Variants in CYFIP2 observed in about 807,000 individuals in gnomAD.
The protein encoded by CYFIP2 is cytoplasmic FMR1 interacting protein 2.
A neutral mutation model predicts 158.7 loss-of-function variants in CYFIP2; 29 were observed. That is an observed-to-expected ratio of 0.18 (90% CI 0.14 to 0.25). CYFIP2 has a LOEUF of 0.25. CYFIP2 is among the 10% of genes least tolerant of loss of function. The probability of loss-of-function intolerance (pLI) is 1.00; values close to 1 mark genes in which losing one functional copy is unlikely to be tolerated. For missense variants in CYFIP2, 852 were observed against 1,639.5 expected (o/e 0.52, Z 8.29); for synonymous variants, 585 against 617.6 (o/e 0.95, Z 0.78).
At chr5:157,339,782 G>A (rs1762112284) in intron 22 of CYFIP2, among the ~76,000 whole-genome samples, 1 of 152,176 alleles carries the variant, frequency 6.6e-6, no homozygotes. Context: ...GGATGACTAG[G>A]AATAAATAAG....
At chr5:157,349,264 C>T (rs1305000890) in intron 23 of CYFIP2, among the ~76,000 whole-genome samples, 3 of 152,102 alleles carry the variant, frequency 2.0e-5, no homozygotes, top group Non-Finnish European at 4.4e-5. Context: ...AGTCTTTTAT[C>T]CCTCTCCCTC....
chr5:157,291,557 C>T (rs1449487740), intron 3 of CYFIP2, among the ~76,000 whole-genome samples: 4 of 152,260 alleles, frequency 2.6e-5, no homozygotes, highest in East Asian at 3.8e-4. Context: ...CACCCGTCGG[C>T]AGGCAGGTTG....
chr5:157,308,781 C>T (rs565721055), intron 9 of CYFIP2, among the ~76,000 whole-genome samples: 3 of 152,122 alleles, frequency 2.0e-5, no homozygotes, highest in Admixed American at 6.5e-5. Flanking sequence ...AAATAGGGCT[C>T]ATTTTGGGAG....
chr5:157,311,813 G>T lies in CYFIP2; in HGVS notation c.1110+32G>T. 6.4e-7 allele frequency: 1 copy of T among 1,555,984 alleles called. No individual in the cohort carries two copies. Among genetic ancestry groups the T allele is most frequent in the Non-Finnish European group, 8.7e-7 (1 of 1,146,206 alleles). On this transcript the variant is annotated intron_variant, in intron 11 of 30. Coordinates refer to ENST00000620254, the MANE Select transcript of CYFIP2 (RefSeq NM_001037333.3). The surrounding 1 kb of genome is among the most constrained non-coding windows in gnomAD (Gnocchi z 4.7). ...ATGCAGGCTGCTGGGGCACAGGCCCGTGGGCCCAGGGCCAGAAGGGGTAAG... is the reference window on the plus strand; with the variant it reads ...ATGCAGGCTGCTGGGGCACAGGCCCTTGGGCCCAGGGCCAGAAGGGGTAAG...
chr5:157,389,159 T>C (rs745607183), intron 28 of CYFIP2, 30 bp from the exon 29 acceptor site: 2 of 1,561,488 alleles, frequency 1.3e-6, no homozygotes, highest in African/African-American at 2.7e-5. Flanking sequence ...AAGATGTGGA[T>C]AGAAGGTGTA....
chr5:157,296,576 A>T, intron 4 of CYFIP2, 97 bp from the exon 5 acceptor site: 1 of 1,145,496 alleles, frequency 8.7e-7, no homozygotes, highest in Non-Finnish European at 1.3e-6. Context: ...CCTGGACAAC[A>T]GAGCAAGACC....
chr5:157,388,593 G>A (rs1013802766), intron 28 of CYFIP2, among the ~76,000 whole-genome samples: 6 of 152,108 alleles, frequency 3.9e-5, no homozygotes, highest in African/African-American at 1.2e-4. Flanking sequence ...ATTGTACATT[G>A]TCAATGTTTT....
At chr5:157,368,366 C>T (rs1379114845) in intron 26 of CYFIP2, among the ~76,000 whole-genome samples, 1 of 152,182 alleles carries the variant, frequency 6.6e-6, no homozygotes, top group Non-Finnish European at 1.5e-5. Flanking sequence ...ATCTCAGCCA[C>T]CCCTCTCAGA....
rs953994823 is a variant in CYFIP2, at chr5:157,361,322, A to G, written c.2909-146A>G. 3 of 960,732 alleles carry G rather than the reference A, an allele frequency of 3.1e-6. No individual in the cohort carries two copies. Among genetic ancestry groups the G allele is most frequent in the Non-Finnish European group, 4.6e-6 (3 of 651,134 alleles). 59.5% of individuals were successfully genotyped at this position (960,732 alleles called of 1,614,324 possible). A position where few individuals can be genotyped will look rare whatever the true frequency, so the allele number is the denominator to read the frequency against. The stretch of plus-strand genomic sequence containing the variant: ...AGTACTGAGCCCTGAAAGAAATCTC[A>G]CTCTGGGCCTGCAGGTAAGAGGGAT... On this transcript the variant is annotated intron_variant, in intron 25 of 30. Coordinates refer to ENST00000620254, the MANE Select transcript of CYFIP2 (RefSeq NM_001037333.3). This position sits in a 1 kb window ranked among gnomAD's most constrained non-coding sequence, Gnocchi z 4.4.
chr5:157,280,262 T>C (rs567853603), intron 1 of CYFIP2, among the ~76,000 whole-genome samples: 2 of 152,130 alleles, frequency 1.3e-5, no homozygotes, highest in African/African-American at 2.4e-5. Flanking sequence ...AATGGCATGA[T>C]CTTGGCTCAC....
At chr5:157,315,538 A>C (rs1760071833) in intron 13 of CYFIP2, among the ~76,000 whole-genome samples, 1 of 152,194 alleles carries the variant, frequency 6.6e-6, no homozygotes, top group Non-Finnish European at 1.5e-5. Context: ...TTTAGTGGTC[A>C]GTCTACATTT....
At chr5:157,314,619 G>A (rs115440688) in intron 12 of CYFIP2, among the ~76,000 whole-genome samples, 156 bp downstream of exon 12, 2,320 of 152,250 alleles carry the variant, frequency 0.015, 73 homozygotes, top group African/African-American at 0.053. Flanking sequence ...TTGGTTTTTA[G>A]TATATCCGCA....
chr5:157,339,941 C>A (rs1023269971), intron 22 of CYFIP2, among the ~76,000 whole-genome samples: 1 of 152,154 alleles, frequency 6.6e-6, no homozygotes, highest in East Asian at 1.9e-4. Flanking sequence ...AGGGCAGGAT[C>A]GTGCATTTTT....
At chr5:157,296,193 C>A (rs757909510) in intron 4 of CYFIP2, among the ~76,000 whole-genome samples, 2 of 152,218 alleles carry the variant, frequency 1.3e-5, no homozygotes, top group Non-Finnish European at 2.9e-5. Context: ...ACTTCTGCCC[C>A]CTGCCAGATT....
intron 19 of CYFIP2, among the ~76,000 whole-genome samples, chr5:157,329,600 A>G (rs1761287179): frequency 1.3e-5 from 2 of 152,250 alleles, no homozygotes. Flanking sequence ...AAAAAGGAAA[A>G]AGAAGCAGAT....
At chr5:157,376,551 C>G (rs1429154513) in intron 26 of CYFIP2, 2 of 156,394 alleles carry the variant, frequency 1.3e-5, no homozygotes, top group Non-Finnish European at 2.8e-5. Context: ...AGAGAAGTGG[C>G]ATCTTCCCTA....
chr5:157,340,992 G>A, intron 22 of CYFIP2, 78 bp from the exon 23 acceptor site: 1 of 1,364,160 alleles, frequency 7.3e-7, no homozygotes, highest in South Asian at 1.2e-5. Context: ...TGGCCAGGAA[G>A]CACTCCTGTT....
At position 157,337,546 on chromosome 5, in the gene CYFIP2, C is replaced by A. The variant is rs73304195; in HGVS notation, c.2386-1511C>A. Among the ~76,000 whole-genome samples, 884 of 152,366 alleles carry A rather than the reference C, an allele frequency of 5.8e-3. 13 individuals carry two copies. The highest frequency in any genetic ancestry group is 0.021 in the African/African-American group (867 of 41,586). ...GCAAGCCTTCAACCATTTCTGCACACTTCAACTTAGAGCCACAGAATCTGA... is the reference window on the plus strand; with the variant it reads ...GCAAGCCTTCAACCATTTCTGCACAATTCAACTTAGAGCCACAGAATCTGA... On this transcript the variant is annotated intron_variant, in intron 21 of 30. Coordinates refer to ENST00000620254, the MANE Select transcript of CYFIP2 (RefSeq NM_001037333.3).
intron 23 of CYFIP2, among the ~76,000 whole-genome samples, chr5:157,348,289 C>T (rs974885975): frequency 2.0e-5 from 3 of 152,208 alleles, no homozygotes; most frequent in African/African-American, 4.8e-5. Context: ...CTGGAATTCC[C>T]AGGCTGGAGT....
Sources: allele counts gnomAD v4.1 joint callset (sites outside exome capture counted in the v4.1 genomes callset), GRCh38; gene constraint gnomAD v4.1.1; non-coding constraint Gnocchi (gnomAD v3.1); transcripts MANE v1.5; gene names NCBI Gene and HGNC (gene_info 2026-07-23, HGNC 2026-07-21).